PTPRR: variants seen among roughly 807,000 people sequenced by gnomAD.
The protein encoded by PTPRR is protein tyrosine phosphatase receptor type R, also known as receptor-type tyrosine-protein phosphatase R.
In PTPRR, 38 loss-of-function variants were observed where a neutral mutation model predicts 77.2. That is an observed-to-expected ratio of 0.49 (90% CI 0.38 to 0.65). The LOEUF is 0.65. PTPRR is among the 30% of genes least tolerant of loss of function. The pLI is 0.00. For synonymous variants in PTPRR, 299 were observed against 283.1 expected (o/e 1.06, Z -0.57); for missense variants, 744 against 799.2 (o/e 0.93, Z 0.83).
chr12:70,791,194 G>C (rs956794023), intron 2 of PTPRR, among the ~76,000 whole-genome samples: 12 of 152,166 alleles, frequency 7.9e-5, no homozygotes, highest in African/African-American at 2.4e-4. Context: ...AATCTGACAT[G>C]GTCCTATTTG....
intron 2 of PTPRR, among the ~76,000 whole-genome samples, chr12:70,774,868 T>C (rs942903521): frequency 3.9e-5 from 6 of 152,216 alleles, no homozygotes; most frequent in Admixed American, 3.3e-4. Context: ...TCTGTCTGGA[T>C]AGATGCTAGA....
chr12:70,776,246 T>C (rs911536248), intron 2 of PTPRR, among the ~76,000 whole-genome samples: 2 of 152,204 alleles, frequency 1.3e-5, no homozygotes, highest in Admixed American at 6.5e-5. Flanking sequence ...ATCCAGTGAA[T>C]AGTCAAGTTC....
chr12:70,727,088 A>G (rs1036177536), intron 6 of PTPRR, among the ~76,000 whole-genome samples: 2 of 152,188 alleles, frequency 1.3e-5, no homozygotes, highest in African/African-American at 4.8e-5. Flanking sequence ...GTATTTGATC[A>G]TGTACAGCAT....
At chr12:70,872,902 T>A (rs1298627960) in intron 2 of PTPRR, among the ~76,000 whole-genome samples, 1 of 152,152 alleles carries the variant, frequency 6.6e-6, no homozygotes, top group Non-Finnish European at 1.5e-5. Context: ...AACAATGAAC[T>A]TTAAAACAAT....
At chr12:70,860,255 A>C (rs2137078035) in intron 2 of PTPRR, among the ~76,000 whole-genome samples, 1 of 152,240 alleles carries the variant, frequency 6.6e-6, no homozygotes, top group African/African-American at 2.4e-5. Flanking sequence ...CTTGTGTAAA[A>C]TATATTTTCA....
intron 4 of PTPRR, among the ~76,000 whole-genome samples, chr12:70,758,732 A>T (rs895221116): frequency 1.3e-5 from 2 of 152,144 alleles, no homozygotes; most frequent in African/African-American, 4.8e-5. Flanking sequence ...TCTAAAGCAT[A>T]AGGGGTCTCT....
chr12:70,694,955 G>A (rs1888180900), intron 8 of PTPRR, among the ~76,000 whole-genome samples: 1 of 151,702 alleles, frequency 6.6e-6, no homozygotes, highest in Admixed American at 6.6e-5. Flanking sequence ...TACTACTTTT[G>A]TGATTTAGGA....
intron 13 of PTPRR, among the ~76,000 whole-genome samples, chr12:70,652,738 G>A (rs1422182399): frequency 3.3e-5 from 5 of 152,158 alleles, no homozygotes; most frequent in Non-Finnish European, 7.3e-5. Context: ...ATTTGCTTTA[G>A]GAAGGAAGGA....
chr12:70,763,029 C>G (rs1168268582), intron 3 of PTPRR, among the ~76,000 whole-genome samples: 1 of 151,792 alleles, frequency 6.6e-6, no homozygotes, highest in Non-Finnish European at 1.5e-5. Flanking sequence ...TATCATCTCT[C>G]TATATATCTT....
chr12:70,856,454 A>G (rs1410258336), intron 2 of PTPRR, among the ~76,000 whole-genome samples: 1 of 152,190 alleles, frequency 6.6e-6, no homozygotes, highest in African/African-American at 2.4e-5. Flanking sequence ...TGGAGCACAG[A>G]GAAGAAAAGT....
intron 6 of PTPRR, 29 bp downstream of exon 6, chr12:70,745,789 C>T (rs1890192155): frequency 6.3e-7 from 1 of 1,599,360 alleles, no homozygotes. Context: ...TAAAAAGCCA[C>T]ACGTAGGGTA....
At chr12:70,817,999 G>T (rs902464567) in intron 2 of PTPRR, among the ~76,000 whole-genome samples, 2 of 152,102 alleles carry the variant, frequency 1.3e-5, no homozygotes, top group South Asian at 4.1e-4. Context: ...GGATCATGAG[G>T]TCAGGAGCTC....
intron 2 of PTPRR, among the ~76,000 whole-genome samples, chr12:70,872,494 G>C (rs2137092940): frequency 6.6e-6 from 1 of 151,848 alleles, no homozygotes; most frequent in Non-Finnish European, 1.5e-5. Context: ...AGGAGATCGA[G>C]ACCATCCTGG....
At chr12:70,823,764 G>A (rs1050430878) in intron 2 of PTPRR, among the ~76,000 whole-genome samples, 6 of 152,166 alleles carry the variant, frequency 3.9e-5, no homozygotes, top group Non-Finnish European at 1.5e-5. Context: ...GCACACGGAG[G>A]ATTCAGAGGC....
intron 2 of PTPRR, among the ~76,000 whole-genome samples, chr12:70,889,761 C>CT (rs1212582159): frequency 6.6e-6 from 1 of 152,054 alleles, no homozygotes; most frequent in African/African-American, 2.4e-5. Flanking sequence ...TCCTTGCCTC[C>CT]TTTCCTTCTC....
intron 1 of PTPRR, among the ~76,000 whole-genome samples, chr12:70,903,861 A>T (rs1291821933): frequency 2.0e-5 from 3 of 151,932 alleles, no homozygotes; most frequent in Non-Finnish European, 4.4e-5. Context: ...ACTGGAATGT[A>T]TAAAGAACTC....
At chr12:70,764,823 T>A (rs768048230) in intron 2 of PTPRR, 45 bp from the exon 3 acceptor site, 3 of 1,341,768 alleles carry the variant, frequency 2.2e-6, no homozygotes, top group Non-Finnish European at 3.2e-6. Flanking sequence ...AGTATTAATT[T>A]GTATAGATGT....
chr12:70,777,908 C>T (rs973554722), intron 2 of PTPRR, among the ~76,000 whole-genome samples: 2 of 152,142 alleles, frequency 1.3e-5, no homozygotes, highest in Admixed American at 6.5e-5. Context: ...ACTGTTTATG[C>T]CAATGAATAT....
Position 70,701,125 on chromosome 12 carries a change from T to C in PTPRR, c.1194+12A>G, listed in dbSNP as rs1228345953. ...TACCGACTGAAGAGTGAACAATAAA[T>C]AGAAGGCTCACCATGAATTCACTTT... On this transcript the variant is annotated intron_variant, in intron 7 of 13. Coordinates refer to ENST00000283228, the MANE Select transcript of PTPRR (RefSeq NM_002849.4). 1 of 1,613,464 alleles carries C rather than the reference T, an allele frequency of 6.2e-7. No homozygotes were observed. The highest frequency in any genetic ancestry group is 8.5e-7 in the Non-Finnish European group (1 of 1,179,736).
Sources: gnomAD v4.1 joint callset for allele counts (sites outside exome capture counted in the v4.1 genomes callset) on GRCh38, gnomAD v4.1.1 for gene constraint, MANE v1.5 for transcripts, NCBI Gene and HGNC (gene_info 2026-07-23, HGNC 2026-07-21) for gene names.